Variants in CTNNA2 observed in about 807,000 individuals in gnomAD.
The protein encoded by CTNNA2 is catenin alpha-2.
A neutral mutation model predicts 101.0 loss-of-function variants in CTNNA2; 42 were observed. That is an observed-to-expected ratio of 0.42 (90% CI 0.32 to 0.54). The LOEUF is 0.54. CTNNA2 is among the 20% of genes least tolerant of loss of function. The pLI is 0.14. For missense variants in CTNNA2, 871 were observed against 1,223.1 expected (o/e 0.71, Z 4.29); for synonymous variants, 450 against 456.4 (o/e 0.99, Z 0.18).
At chr2:79,353,784 T>G (rs1382478821) in intron 3 of CTNNA2, among the ~76,000 whole-genome samples, 2 of 152,182 alleles carry the variant, frequency 1.3e-5, no homozygotes, top group African/African-American at 4.8e-5. Context: ...TGCTTAAGTG[T>G]GTTTTTGTGG....
At chr2:80,030,554 C>G (rs552511836) in intron 7 of CTNNA2, 1 of 152,196 alleles carries the variant, frequency 6.6e-6, no homozygotes, top group Non-Finnish European at 1.5e-5. Context: ...GTCTTCAGAG[C>G]TAAGGAGACA....
upstream of CTNNA2, among the ~76,000 whole-genome samples, chr2:79,512,410 A>C (rs1400300712): frequency 6.6e-6 from 1 of 151,888 alleles, no homozygotes; most frequent in Non-Finnish European, 1.5e-5. Flanking sequence ...TTAAAGTCCA[A>C]ATCTCCCTTC....
At chr2:79,227,147 TC>T (rs1011484631) in intron 2 of CTNNA2, among the ~76,000 whole-genome samples, 1 of 152,142 alleles carries the variant, frequency 6.6e-6, no homozygotes, top group Non-Finnish European at 1.5e-5. Context: ...AGCTGGATTT[TC>T]CCTTGAATTT....
At chr2:80,531,238 G>T (rs1690511236) in intron 9 of CTNNA2, among the ~76,000 whole-genome samples, 1 of 152,168 alleles carries the variant, frequency 6.6e-6, no homozygotes, top group Non-Finnish European at 1.5e-5. Flanking sequence ...AGGTTCCCAG[G>T]ACTTCTCCTT....
chr2:79,386,902 A>G lies in CTNNA2; in HGVS notation c.-135+12889A>G, dbSNP rs138549664. Among the ~76,000 whole-genome samples the G allele has an allele frequency of 2.2e-3, 334 of 152,286 alleles. 2 individuals are homozygous for G. The highest frequency in any genetic ancestry group is 2.0e-3 in the Non-Finnish European group (137 of 68,028). Reference sequence around the variant, plus strand: ...GGTTATCTAAGTATTATTATTTGCTAGGTGCATTTATTCACATTGTCAACC... The same window carrying G: ...GGTTATCTAAGTATTATTATTTGCTGGGTGCATTTATTCACATTGTCAACC... On this transcript the variant is annotated intron_variant, in intron 4 of 21. Coordinates refer to the CTNNA2 transcript ENST00000466387.
chr2:79,743,481 A>C (rs1297873325), intron 2 of CTNNA2, among the ~76,000 whole-genome samples: 1 of 151,912 alleles, frequency 6.6e-6, no homozygotes, highest in African/African-American at 2.4e-5. Flanking sequence ...CTAAACATTG[A>C]GTCTGAATCA....
chr2:80,594,468 A>G (rs146436749), intron 15 of CTNNA2, among the ~76,000 whole-genome samples: 24 of 151,928 alleles, frequency 1.6e-4, no homozygotes, highest in Middle Eastern at 3.4e-3. Flanking sequence ...CTTTTTCACT[A>G]TTTGTTGATA....
At chr2:80,483,800 C>T (rs1686333406) in intron 9 of CTNNA2, among the ~76,000 whole-genome samples, 1 of 152,074 alleles carries the variant, frequency 6.6e-6, no homozygotes, top group Admixed American at 6.6e-5. Flanking sequence ...TTTTATTTAA[C>T]ATCTGAAAAA....
At chr2:79,302,689 C>T (rs1281601639) in intron 2 of CTNNA2, among the ~76,000 whole-genome samples, 1 of 152,078 alleles carries the variant, frequency 6.6e-6, no homozygotes, top group Non-Finnish European at 1.5e-5. Context: ...AGATTTTCTG[C>T]TTGCTGAGAA....
chr2:80,020,718 C>A (rs6752346), intron 7 of CTNNA2, among the ~76,000 whole-genome samples: 1 of 151,994 alleles, frequency 6.6e-6, no homozygotes, highest in Non-Finnish European at 1.5e-5. Context: ...CTTTTGGTTT[C>A]TTTGTATCAG....
At chr2:80,491,262 G>A (rs1236848080) in intron 9 of CTNNA2, among the ~76,000 whole-genome samples, 1 of 152,162 alleles carries the variant, frequency 6.6e-6, no homozygotes, top group Non-Finnish European at 1.5e-5. Context: ...TTACACGTGA[G>A]CATCCCAGTT....
intron 7 of CTNNA2, among the ~76,000 whole-genome samples, chr2:80,185,780 G>C (rs1706086117): frequency 1.3e-5 from 2 of 152,140 alleles, no homozygotes; most frequent in Admixed American, 1.3e-4. Flanking sequence ...GAATATGAGA[G>C]GTGCATTGCC....
intron 7 of CTNNA2, among the ~76,000 whole-genome samples, chr2:80,317,106 A>G (rs530114925): frequency 4.6e-4 from 70 of 152,274 alleles, no homozygotes; most frequent in Admixed American, 3.0e-3. Context: ...CCCAGACACT[A>G]AACCAGACCT....
At chr2:80,099,821 G>A (rs1700429702) in intron 7 of CTNNA2, among the ~76,000 whole-genome samples, 1 of 151,898 alleles carries the variant, frequency 6.6e-6, no homozygotes, top group African/African-American at 2.4e-5. Context: ...TCACGGGGTG[G>A]AGAGATGGAA....
rs1446678165 is a variant in CTNNA2 at position 80,320,396 on chromosome 2, T to C, written c.1057-72815T>C. 1.3e-5 allele frequency among the ~76,000 whole-genome samples: 2 copies of C among 152,240 alleles called. 1 individual carries two copies. Among genetic ancestry groups the C allele is most frequent in the Non-Finnish European group, 2.9e-5 (2 of 68,044 alleles). On this transcript the variant is annotated intron_variant, in intron 7 of 18. Coordinates refer to ENST00000402739, the MANE Select transcript of CTNNA2 (RefSeq NM_001282597.3). ...AAAGCCTTAATGTTTAACCCACCTC[T>C]GCTTTTCTCTTCTGACTTCAGCAGC...
At chr2:79,401,115 T>C (rs1678285538) in intron 4 of CTNNA2, among the ~76,000 whole-genome samples, 1 of 151,766 alleles carries the variant, frequency 6.6e-6, no homozygotes, top group African/African-American at 2.4e-5. Flanking sequence ...ATATGAAAGG[T>C]CACTAAACAG....
At chr2:79,662,005 A>G (rs1338886388) in intron 2 of CTNNA2, among the ~76,000 whole-genome samples, 2 of 151,740 alleles carry the variant, frequency 1.3e-5, no homozygotes, top group Non-Finnish European at 2.9e-5. Flanking sequence ...AAAAGGGAAG[A>G]GAGTAAGGAA....
chr2:80,037,759 C>T (rs1695764255), intron 7 of CTNNA2, among the ~76,000 whole-genome samples: 1 of 152,092 alleles, frequency 6.6e-6, no homozygotes, highest in Non-Finnish European at 1.5e-5. Flanking sequence ...GGCTTATTCT[C>T]TTCTTTATTG....
intron 3 of CTNNA2, among the ~76,000 whole-genome samples, chr2:79,759,220 C>T (rs745936941): frequency 2.0e-5 from 3 of 152,054 alleles, no homozygotes; most frequent in East Asian, 1.9e-4. Flanking sequence ...GGAGAAACCC[C>T]GTTTCTACTA....
Sources: gnomAD v4.1 joint callset for allele counts (sites outside exome capture counted in the v4.1 genomes callset) on GRCh38, gnomAD v4.1.1 for gene constraint, MANE v1.5 for transcripts, NCBI Gene and HGNC (gene_info 2026-07-23, HGNC 2026-07-21) for gene names.